FMR1NB: variants seen among roughly 807,000 people sequenced by gnomAD.
FMR1NB encodes the protein FMR1 neighbor, also known as FMR1 neighbor protein.
FMR1NB carries 10 observed loss-of-function variants against 16.8 expected under a neutral mutation model. That is an observed-to-expected ratio of 0.60 (90% confidence interval 0.37 to 1.01). The LOEUF is 1.01. Among genes scored for constraint, FMR1NB ranks in the 50% least tolerant of loss-of-function variants. The pLI, the probability that FMR1NB is intolerant of heterozygous loss-of-function variation, is 0.01. For synonymous variants in FMR1NB, 83 were observed against 79.1 expected (o/e 1.05, Z -0.26); for missense variants, 205 against 204.8 (o/e 1.00, Z 0.00).
chrX:147,997,727 T>C (rs2044549382), intron 1 of FMR1NB, among the ~76,000 whole-genome samples: 1 of 110,200 alleles, frequency 9.1e-6, no homozygotes, highest in Admixed American at 9.6e-5. Flanking sequence ...AAGGCTAATA[T>C]CCAGAATCTA....
rs782727904 is a variant in FMR1NB, at chrX:148,005,010, C to T, written c.397+1690C>T. On this transcript the variant is annotated intron_variant, in intron 2 of 5. Transcript: ENST00000370467. The stretch of plus-strand genomic sequence containing the variant: ...GTTCAAGCAATTCTCCTACCTCAGC[C>T]TCCTGAGTAGCTGGGACTACAGGCA... Among the ~76,000 whole-genome samples the T allele has an allele frequency of 8.9e-5, 10 of 112,250 alleles. No homozygotes were observed. The East Asian group carries it at 2.5e-3, about 28-fold the overall frequency.
intron 1 of FMR1NB, among the ~76,000 whole-genome samples, chrX:147,993,421 T>G (rs1414756996): frequency 1.1e-5 from 1 of 90,964 alleles, no homozygotes; most frequent in Non-Finnish European, 2.1e-5. Context: ...AGAGGGGCCT[T>G]CCTTCTTTTA....
At chrX:148,008,524 A>G in intron 3 of FMR1NB, 94 bp from the exon 4 acceptor site, 1 of 795,986 alleles carries the variant, frequency 1.3e-6, no homozygotes, top group Non-Finnish European at 1.8e-6. Context: ...CACTTTATTA[A>G]CTGATAGTTT....
intron 1 of FMR1NB, among the ~76,000 whole-genome samples, chrX:148,001,528 G>A (rs893909831): frequency 3.5e-4 from 39 of 110,772 alleles, no homozygotes; most frequent in Non-Finnish European, 4.9e-4. Context: ...GGCTTACGGA[G>A]GCCTAGACAG....
chrX:147,993,343 C>T (rs2044524620), intron 1 of FMR1NB, among the ~76,000 whole-genome samples: 1 of 111,210 alleles, frequency 9.0e-6, no homozygotes, highest in African/African-American at 3.3e-5. Flanking sequence ...TGCAGTGAGC[C>T]GAGATGGCAG....
intron 4 of FMR1NB, among the ~76,000 whole-genome samples, chrX:148,018,297 T>C (rs1358480736): frequency 8.9e-6 from 1 of 111,978 alleles, no homozygotes; most frequent in African/African-American, 3.3e-5. Context: ...CCAGTGATGG[T>C]GAGCATTTTT....
chrX:148,006,573 G>T, intron 2 of FMR1NB, 129 bp from the exon 3 acceptor site: 1 of 633,758 alleles, frequency 1.6e-6, no homozygotes, highest in Non-Finnish European at 2.3e-6. Context: ...TTTTCTTTTA[G>T]CACCCATCAT....
At chrX:148,002,276 TAAAAC>T (rs782751208) in intron 1 of FMR1NB, among the ~76,000 whole-genome samples, 2 of 111,564 alleles carry the variant, frequency 1.8e-5, no homozygotes, top group Non-Finnish European at 1.9e-5. Flanking sequence ...AGTTGCAAAT[TAAAAC>T]AAAAGATATT....
intron 1 of FMR1NB, among the ~76,000 whole-genome samples, chrX:147,989,546 C>T (rs2044493307): frequency 8.9e-6 from 1 of 112,062 alleles, no homozygotes; most frequent in Non-Finnish European, 1.9e-5. Context: ...GTAGAACCCT[C>T]CTTGTCAGGG....
chrX:148,016,198 T>C (rs1374431502), intron 4 of FMR1NB, among the ~76,000 whole-genome samples: 3 of 111,063 alleles, frequency 2.7e-5, no homozygotes, highest in Admixed American at 9.5e-5. Flanking sequence ...TATGTGTCTT[T>C]ATAGGTGAAG....
chrX:147,984,879 G>A (rs1273124129), intron 1 of FMR1NB, among the ~76,000 whole-genome samples: 4 of 111,818 alleles, frequency 3.6e-5, no homozygotes, highest in African/African-American at 1.3e-4. Flanking sequence ...CTAGTTTGCT[G>A]AGTGATTTTA....
intron 5 of FMR1NB, chrX:148,026,150 A>G (rs782639651): frequency 9.0e-6 from 1 of 111,616 alleles, no homozygotes; most frequent in Admixed American, 9.6e-5. Flanking sequence ...GTATTAGTTT[A>G]ATGCAATACA....
intron 1 of FMR1NB, among the ~76,000 whole-genome samples, chrX:147,999,939 C>G (rs1338651371): frequency 9.0e-6 from 1 of 111,637 alleles, no homozygotes; most frequent in Non-Finnish European, 1.9e-5. Flanking sequence ...ATCGTCAAAA[C>G]CACAATCATG....
At chrX:147,991,594 C>T (rs1030324260) in intron 1 of FMR1NB, among the ~76,000 whole-genome samples, 1 of 109,215 alleles carries the variant, frequency 9.2e-6, no homozygotes. Context: ...ACTTTCTCAC[C>T]TCCTTTCCCA....
intron 2 of FMR1NB, among the ~76,000 whole-genome samples, chrX:148,006,407 T>G (rs1454720180): frequency 1.8e-5 from 2 of 112,058 alleles, no homozygotes; most frequent in African/African-American, 3.2e-5. Context: ...GTTCCTTCTG[T>G]GTTATATTTG....
intron 1 of FMR1NB, among the ~76,000 whole-genome samples, chrX:147,991,559 C>T (rs547095589): frequency 1.2e-4 from 13 of 110,210 alleles, no homozygotes; most frequent in African/African-American, 4.0e-4. Context: ...GGCCTCCTTC[C>T]CTCAAGTCCC....
chrX:148,016,300 A>G (rs782421081), intron 4 of FMR1NB, among the ~76,000 whole-genome samples: 23 of 110,226 alleles, frequency 2.1e-4, no homozygotes, highest in Non-Finnish European at 3.0e-4. Flanking sequence ...ATTGGTATGG[A>G]ATGTCTTTTT....
intron 1 of FMR1NB, among the ~76,000 whole-genome samples, chrX:147,989,181 T>C (rs2044491346): frequency 8.9e-6 from 1 of 112,042 alleles, no homozygotes; most frequent in Non-Finnish European, 1.9e-5. Context: ...GGATGGGATT[T>C]CTGTGTGGGG....
chrX:148,011,927 G>A (rs782560919), intron 4 of FMR1NB, among the ~76,000 whole-genome samples: 73 of 111,694 alleles, frequency 6.5e-4, no homozygotes, highest in Middle Eastern at 4.6e-3. Flanking sequence ...ACATACAAAA[G>A]GAAGCAGAGA....
Sources: allele counts gnomAD v4.1 joint callset (sites outside exome capture counted in the v4.1 genomes callset), GRCh38; gene constraint gnomAD v4.1.1; transcripts MANE v1.5; gene names NCBI Gene and HGNC (gene_info 2026-07-23, HGNC 2026-07-21).